The following SV2C variants were observed in gnomAD, a reference collection of about 807,000 sequenced individuals.
The protein encoded by SV2C is synaptic vesicle glycoprotein 2C.
Under a neutral mutation model 79.7 loss-of-function variants are expected in SV2C, and 49 were observed. The observed-to-expected ratio is 0.61, with a 90% confidence interval of 0.49 to 0.78. The LOEUF (loss-of-function observed/expected upper bound fraction) is 0.78, where lower values mean the gene tolerates loss of function less well. Among genes scored for constraint, SV2C ranks in the 30% least tolerant of loss-of-function variants. SV2C has a pLI of 0.00. For synonymous variants in SV2C, 334 were observed against 333.2 expected (o/e 1.00, Z -0.03); for missense variants, 833 against 912.9 (o/e 0.91, Z 1.13).
At chr5:75,996,744 C>T in the SV2C span, among the ~76,000 whole-genome samples, 11 of 151,892 alleles carry the variant, frequency 7.2e-5, no homozygotes, top group Admixed American at 6.6e-4. Flanking sequence ...CTCTTTGAAG[C>T]AATTGTGAAT....
chr5:76,118,684 T>A (rs186890270), intron 1 of SV2C, among the ~76,000 whole-genome samples: 3,704 of 146,240 alleles, frequency 0.025, 147 homozygotes, highest in African/African-American at 0.098. Flanking sequence ...TATTATATAT[T>A]AAAAAAATCA....
At chr5:76,196,361 T>C (rs529902810) in intron 3 of SV2C, among the ~76,000 whole-genome samples, 1 of 152,100 alleles carries the variant, frequency 6.6e-6, no homozygotes, top group Admixed American at 6.5e-5. Context: ...GAAAAAAAAA[T>C]GTTCAGAATC....
At chr5:75,995,597 A>C in the SV2C span, among the ~76,000 whole-genome samples, 12 of 152,128 alleles carry the variant, frequency 7.9e-5, no homozygotes, top group Admixed American at 6.6e-5. Context: ...GATAACAACC[A>C]TACTCATTTT....
chr5:76,278,766 A>G (rs1281302475), intron 4 of SV2C, among the ~76,000 whole-genome samples: 1 of 152,214 alleles, frequency 6.6e-6, no homozygotes, highest in African/African-American at 2.4e-5. Context: ...TGCCACGATG[A>G]GACATTTGGG....
At chr5:75,917,031 C>T in the SV2C span, among the ~76,000 whole-genome samples, 5 of 152,174 alleles carry the variant, frequency 3.3e-5, no homozygotes, top group African/African-American at 1.2e-4. Flanking sequence ...ACCCTAGTTG[C>T]CAACAACAGG....
At chr5:75,911,951 T>A in the SV2C span, 1 of 378,600 alleles carries the variant, frequency 2.6e-6, no homozygotes, top group South Asian at 2.3e-5. Context: ...CAGAGAGATA[T>A]AAGAGCCAGC....
Position 76,330,626 on chromosome 5 carries a change from T to C in SV2C, c.*5079T>C, listed in dbSNP as rs1749151497. 6.7e-6 allele frequency: 1 copy of C among 149,480 alleles called. No individual in the cohort carries two copies. Among genetic ancestry groups the C allele is most frequent in the Non-Finnish European group, 1.5e-5 (1 of 67,400 alleles). The allele number at this position is 149,480 out of a possible 1,614,324, so 9.3% of individuals were successfully genotyped here. Reference sequence around the variant, plus strand: ...ACAAATAATAGCCTTCAGCAGGCAGTGCAGGAACTATTCAGTCATTGAGAT... The same window carrying C: ...ACAAATAATAGCCTTCAGCAGGCAGCGCAGGAACTATTCAGTCATTGAGAT... On this transcript the variant is annotated 3_prime_UTR_variant, in exon 13 of 13. Transcript: ENST00000502798.
rs1010605781 is a variant in SV2C at position 76,266,320 on chromosome 5, G to A, written c.914-18842G>A. ...CCTCCCAGGATCAAGGGACTCTCCT[G>A]CCTCAGCCTCCTGAGTAGCTGGGAC... On this transcript the variant is annotated intron_variant, in intron 4 of 12. Coordinates refer to ENST00000502798, the MANE Select transcript of SV2C (RefSeq NM_014979.4). 5.9e-5 allele frequency among the ~76,000 whole-genome samples: 9 copies of A among 152,276 alleles called. No homozygotes were observed. In the South Asian group the frequency reaches 6.2e-4, roughly 11 times the overall value.
At chr5:76,344,455 T>G (rs1458889688) in intron 12 of SV2C, among the ~76,000 whole-genome samples, 1 of 152,236 alleles carries the variant, frequency 6.6e-6, no homozygotes, top group Non-Finnish European at 1.5e-5. Context: ...ACGCCTGTAA[T>G]CCCAACACTT....
At chr5:76,242,296 G>C (rs1280982401) in intron 4 of SV2C, 1 of 1,444,256 alleles carries the variant, frequency 6.9e-7, no homozygotes, top group African/African-American at 1.4e-5. Context: ...TCTTGGGCAT[G>C]GTGGCGGCAG....
chr5:76,256,969 A>G (rs1413271539), intron 4 of SV2C, among the ~76,000 whole-genome samples: 1 of 152,218 alleles, frequency 6.6e-6, no homozygotes, highest in African/African-American at 2.4e-5. Flanking sequence ...GCCTCCAGAC[A>G]TCTGAAGTCT....
chr5:76,325,519 C>T lies in SV2C; in HGVS notation c.2156C>T (p.Pro719Leu). Residue 719 changes from proline (P) to leucine (L), a missense_variant, in exon 13 of 13, where the codon CCT (proline) becomes CTT (leucine). Coordinates refer to ENST00000502798, the MANE Select transcript of SV2C (RefSeq NM_014979.4). ...VCGGLVGLCL[P>L]DTRTQVLM is the part of the protein sequence containing the mutation. ...GGAGGACTCGTTGGGCTGTGCCTGC[C>T]TGACACACGAACCCAGGTTCTGATG... The T allele has an allele frequency of 6.2e-7, 1 of 1,614,120 alleles. No homozygotes were observed. Among genetic ancestry groups the T allele is most frequent in the Non-Finnish European group, 8.5e-7 (1 of 1,180,022 alleles).
the SV2C span, among the ~76,000 whole-genome samples, chr5:76,032,844 T>C: frequency 5.9e-3 from 891 of 152,298 alleles, 11 homozygotes; most frequent in African/African-American, 0.02. Flanking sequence ...AATGGTTGAA[T>C]TAGTTTACAG....
rs31270 is a variant in SV2C at position 76,329,589 on chromosome 5, G to A, written c.*4042G>A. On this transcript the variant is annotated 3_prime_UTR_variant, in exon 13 of 13. Transcript: ENST00000502798. ...GAGAGTCCAAGATACCACTGATAAG[G>A]TTCCAGCAAAGAGATTAGGACACAG... is the stretch of plus-strand genomic sequence containing the variant. The A allele has an allele frequency of 0.5, 76,759 of 152,012 alleles. 20,133 individuals are homozygous for A. Among genetic ancestry groups the A allele is most frequent in the Middle Eastern group, 0.6 (177 of 294 alleles). The allele number at this position is 152,012 out of a possible 1,614,324, so 9.4% of individuals were successfully genotyped here.
chr5:76,035,177 G>T, the SV2C span, among the ~76,000 whole-genome samples: 20 of 148,164 alleles, frequency 1.3e-4, no homozygotes, highest in Non-Finnish European at 2.4e-4. Flanking sequence ...TATCAATTTT[G>T]TTGATCCTTT....
At chr5:76,291,997 A>G (rs1259986042) in intron 8 of SV2C, 141 bp downstream of exon 8, 3 of 617,694 alleles carry the variant, frequency 4.9e-6, no homozygotes, top group East Asian at 2.9e-5. Context: ...AGGTTTGCTG[A>G]GAGTTATGGT....
chr5:76,312,347 G>A (rs564725070), intron 12 of SV2C, among the ~76,000 whole-genome samples: 45 of 152,094 alleles, frequency 3.0e-4, no homozygotes, highest in Middle Eastern at 3.4e-3. Context: ...CTGCTTCCCA[G>A]ATTCAAGCAA....
the SV2C span, among the ~76,000 whole-genome samples, chr5:75,904,931 T>G: frequency 6.6e-6 from 1 of 152,216 alleles, no homozygotes; most frequent in Non-Finnish European, 1.5e-5. Context: ...GAGTCCCTTC[T>G]GACAAATGAA....
chr5:76,053,304 C>T, the SV2C span, among the ~76,000 whole-genome samples: 2 of 152,126 alleles, frequency 1.3e-5, no homozygotes, highest in African/African-American at 4.8e-5. Flanking sequence ...GACACAAGTT[C>T]TGTGATACAA....
Sources: gnomAD v4.1 joint callset for allele counts (sites outside exome capture counted in the v4.1 genomes callset) on GRCh38, gnomAD v4.1.1 for gene constraint, MANE v1.5 for transcripts, NCBI Gene and HGNC (gene_info 2026-07-23, HGNC 2026-07-21) for gene names.